Variants in PRH1 observed in about 807,000 individuals in gnomAD.
The protein encoded by PRH1 is salivary acidic proline-rich phosphoprotein 1/2.
PRH1 carries 7 observed loss-of-function variants against 7.9 expected under a neutral mutation model. The observed-to-expected ratio is 0.89, with a 90% confidence interval of 0.50 to 1.67. The LOEUF is 1.67. PRH1 is among the 40% of genes most tolerant of loss of function. PRH1 has a pLI of 0.00. For synonymous variants in PRH1, 45 were observed against 80.8 expected (o/e 0.56, Z 2.38); for missense variants, 109 against 223.6 (o/e 0.49, Z 3.27).
intron 1 of PRH1, among the ~76,000 whole-genome samples, chr12:11,107,747 C>T (rs1211294169): frequency 6.6e-6 from 1 of 152,180 alleles, no homozygotes; most frequent in Non-Finnish European, 1.5e-5. Context: ...CACCAACATT[C>T]ATGGTCAATT....
At chr12:11,066,424 G>A (rs1943814404) in intron 1 of PRH1, among the ~76,000 whole-genome samples, 1 of 151,858 alleles carries the variant, frequency 6.6e-6, no homozygotes, top group African/African-American at 2.4e-5. Context: ...ATGAAACAAA[G>A]ATTAGTTTAA....
intron 1 of PRH1, among the ~76,000 whole-genome samples, chr12:11,057,903 T>C (rs1943431257): frequency 6.6e-6 from 1 of 152,392 alleles, no homozygotes; most frequent in South Asian, 2.1e-4. Flanking sequence ...GTCACTTCTG[T>C]TCTCTGTTTA....
chr12:11,171,128 A>C (rs1393632053), intron 1 of PRH1: 2 of 392,338 alleles, frequency 5.1e-6, no homozygotes, highest in African/African-American at 2.1e-5. Flanking sequence ...CCATCAGTTG[A>C]GCTCTAAATG....
chr12:11,133,585 G>C, intron 1 of PRH1: 1 of 1,332,512 alleles, frequency 7.5e-7, no homozygotes, highest in Non-Finnish European at 1.0e-6. Flanking sequence ...GGACCTTGGT[G>C]CTGGGATCTT....
At chr12:11,080,748 AATTTT>A (rs1335335898) in intron 1 of PRH1, among the ~76,000 whole-genome samples, 8 of 30,538 alleles carry the variant, frequency 2.6e-4, no homozygotes, top group Admixed American at 4.5e-4. Flanking sequence ...TATTTTCAGT[AATTTT>A]ATTTTATCTG....
intron 2 of PRH1, chr12:10,939,122 A>G (rs1950349677): frequency 1.2e-6 from 2 of 1,604,702 alleles, no homozygotes; most frequent in Non-Finnish European, 1.7e-6. Flanking sequence ...ACAGTTCACC[A>G]GTGCTATGAA....
intron 1 of PRH1, among the ~76,000 whole-genome samples, chr12:11,024,949 T>A (rs1042431845): frequency 6.6e-6 from 1 of 152,144 alleles, no homozygotes; most frequent in Non-Finnish European, 1.5e-5. Context: ...ATACATTCAA[T>A]CCAAGAAGAC....
upstream of PRH1, among the ~76,000 whole-genome samples, chr12:11,049,734 G>C (rs1943064198): frequency 6.6e-6 from 1 of 152,126 alleles, no homozygotes; most frequent in Non-Finnish European, 1.5e-5. Context: ...TAAGGAGCTT[G>C]GTCATAACTA....
chr12:11,130,437 T>C (rs1461818784), intron 1 of PRH1, among the ~76,000 whole-genome samples: 3 of 152,176 alleles, frequency 2.0e-5, no homozygotes, highest in African/African-American at 7.2e-5. Flanking sequence ...TACTGGGATT[T>C]TGGAGACAAC....
chr12:11,171,503 C>G (rs1185130773), upstream of PRH1: 13 of 1,232,264 alleles, frequency 1.1e-5, no homozygotes, highest in Admixed American at 4.2e-5. Context: ...GCATGAACTT[C>G]CCGTACTTCT....
At chr12:11,011,608 C>T (rs908202599) in intron 1 of PRH1, among the ~76,000 whole-genome samples, 7 of 152,122 alleles carry the variant, frequency 4.6e-5, no homozygotes, top group Non-Finnish European at 1.0e-4. Context: ...ATAATTCCTA[C>T]ATTGGATGTC....
intron 1 of PRH1, among the ~76,000 whole-genome samples, chr12:11,101,476 T>C (rs895491400): frequency 7.2e-5 from 11 of 151,774 alleles, no homozygotes; most frequent in Admixed American, 6.6e-4. Context: ...GACAACAGAG[T>C]CAGATCCTGT....
chr12:11,029,194 C>T (rs1216354627), intron 1 of PRH1, among the ~76,000 whole-genome samples: 2 of 147,494 alleles, frequency 1.4e-5, no homozygotes, highest in Non-Finnish European at 3.0e-5. Flanking sequence ...TTCATAACAC[C>T]AAGAATTAAT....
chr12:11,154,782 C>A (rs1297661165), intron 1 of PRH1, among the ~76,000 whole-genome samples: 2 of 152,156 alleles, frequency 1.3e-5, no homozygotes, highest in Non-Finnish European at 2.9e-5. Context: ...AATTGCATTT[C>A]TTCTGGAAAG....
At chr12:10,931,590 T>C (rs868435065) in intron 2 of PRH1, among the ~76,000 whole-genome samples, 7 of 152,318 alleles carry the variant, frequency 4.6e-5, no homozygotes, top group Admixed American at 4.6e-4. Context: ...AATAGACATG[T>C]ACCAAGCTAA....
intron 1 of PRH1, among the ~76,000 whole-genome samples, chr12:11,082,258 T>C (rs117916118): frequency 0.025 from 2,944 of 115,530 alleles, 864 homozygotes; most frequent in South Asian, 0.039. Flanking sequence ...TTTAAAAGCA[T>C]TAGAGTTAAG....
At chr12:11,150,217 T>C (rs939422718) in intron 1 of PRH1, among the ~76,000 whole-genome samples, 5 of 151,324 alleles carry the variant, frequency 3.3e-5, no homozygotes, top group African/African-American at 9.7e-5. Context: ...TTTACACTGT[T>C]GGTGGGACTG....
chr12:10,962,058 C>T (rs1938262751), intron 2 of PRH1, among the ~76,000 whole-genome samples: 1 of 152,176 alleles, frequency 6.6e-6, no homozygotes, highest in African/African-American at 2.4e-5. Flanking sequence ...CATTGCTGCC[C>T]TGGACTTACC....
At chr12:10,898,195 G>A (rs1452872145) in intron 2 of PRH1, among the ~76,000 whole-genome samples, 2 of 152,196 alleles carry the variant, frequency 1.3e-5, no homozygotes, top group Non-Finnish European at 2.9e-5. Flanking sequence ...AATTAGTCAT[G>A]TTCTTTGTGT....
Sources: allele counts gnomAD v4.1 joint callset (sites outside exome capture counted in the v4.1 genomes callset), GRCh38; gene constraint gnomAD v4.1.1; transcripts MANE v1.5; gene names NCBI Gene and HGNC (gene_info 2026-07-23, HGNC 2026-07-21).